C16orf74: variants seen among roughly 807,000 people sequenced by gnomAD.
C16orf74 encodes calcimembrin, also known as uncharacterized protein C16orf74.
Under a neutral mutation model 6.5 loss-of-function variants are expected in C16orf74, and 10 were observed. The observed-to-expected ratio is 1.54, with a 90% CI of 0.95 to 2.61. The LOEUF is 2.61. Ranked by LOEUF, C16orf74 falls within the 30% of genes most tolerant of loss-of-function variation. The pLI is 0.00. For synonymous variants in C16orf74, 60 were observed against 42.5 expected (o/e 1.41, Z -1.60); for missense variants, 141 against 105.9 (o/e 1.33, Z -1.45).
At chr16:85,744,250 A>G (rs2054344980) in intron 1 of C16orf74, 4 of 148,954 alleles carry the variant, frequency 2.7e-5, no homozygotes, top group African/African-American at 9.8e-5. Context: ...AAAAAAAAGA[A>G]AAGAAAAGAA....
chr16:85,749,026 G>T (rs986163457), intron 1 of C16orf74, among the ~76,000 whole-genome samples: 1 of 149,384 alleles, frequency 6.7e-6, no homozygotes, highest in East Asian at 2.0e-4. Flanking sequence ...GGTGATGCTC[G>T]TGCCTCACCC....
chr16:85,738,441 C>G (rs887502618), intron 1 of C16orf74, among the ~76,000 whole-genome samples: 14 of 151,328 alleles, frequency 9.3e-5, no homozygotes, highest in Non-Finnish European at 1.9e-4. Context: ...TCTCCTGCCT[C>G]AGCCTCCCGA....
chr16:85,708,964 C>T (rs558598002), intron 3 of C16orf74, among the ~76,000 whole-genome samples: 5 of 152,248 alleles, frequency 3.3e-5, no homozygotes, highest in African/African-American at 9.6e-5. Context: ...CTGGGGGCCA[C>T]GGGGTGAAGT....
chr16:85,718,465 A>T (rs1200909868), intron 2 of C16orf74, among the ~76,000 whole-genome samples: 2 of 152,128 alleles, frequency 1.3e-5, no homozygotes, highest in Non-Finnish European at 2.9e-5. Flanking sequence ...CATCACACAC[A>T]CACAGGGCTC....
chr16:85,731,644 T>C (rs896111060), intron 2 of C16orf74, among the ~76,000 whole-genome samples: 4 of 151,538 alleles, frequency 2.6e-5, no homozygotes, highest in Non-Finnish European at 5.9e-5. Flanking sequence ...AACCGGAGCC[T>C]GTGAGTGGGA....
At chr16:85,722,586 T>C (rs892361636) in intron 2 of C16orf74, among the ~76,000 whole-genome samples, 2 of 152,204 alleles carry the variant, frequency 1.3e-5, no homozygotes, top group African/African-American at 4.8e-5. Context: ...TCCCGCTGAG[T>C]GGGCCCAGGG....
chr16:85,713,888 C>G (rs929726993), intron 2 of C16orf74, among the ~76,000 whole-genome samples: 1 of 152,214 alleles, frequency 6.6e-6, no homozygotes, highest in Non-Finnish European at 1.5e-5. Flanking sequence ...CTGGGACCCT[C>G]GTGGGATCTG....
chr16:85,745,565 C>G (rs1399929042), intron 1 of C16orf74, among the ~76,000 whole-genome samples: 1 of 151,922 alleles, frequency 6.6e-6, no homozygotes, highest in African/African-American at 2.4e-5. Flanking sequence ...TGGAGGGACC[C>G]TGCTTTTCAA....
chr16:85,729,338 G>C (rs1330472601), intron 2 of C16orf74, among the ~76,000 whole-genome samples: 3 of 152,230 alleles, frequency 2.0e-5, no homozygotes. Flanking sequence ...CACTCCCGTG[G>C]GTCACAGTCA....
At chr16:85,738,720 G>A (rs1182854042) in intron 1 of C16orf74, among the ~76,000 whole-genome samples, 1 of 151,886 alleles carries the variant, frequency 6.6e-6, no homozygotes, top group Non-Finnish European at 1.5e-5. Context: ...GGTAGCGGAG[G>A]AGTGGGGCTG....
intron 1 of C16orf74, among the ~76,000 whole-genome samples, chr16:85,749,727 C>A (rs546941589): frequency 3.9e-5 from 6 of 152,216 alleles, no homozygotes; most frequent in African/African-American, 1.4e-4. Flanking sequence ...TGTCCACTGA[C>A]GGCACGCTCC....
intron 2 of C16orf74, among the ~76,000 whole-genome samples, chr16:85,724,837 G>C (rs1029744463): frequency 1.3e-5 from 2 of 152,172 alleles, no homozygotes; most frequent in African/African-American, 2.4e-5. Flanking sequence ...AGGGCTACAG[G>C]GATCAAAAAG....
intron 2 of C16orf74, among the ~76,000 whole-genome samples, chr16:85,715,079 C>A (rs928965758): frequency 6.6e-6 from 1 of 151,326 alleles, no homozygotes; most frequent in Non-Finnish European, 1.5e-5. Context: ...ATGGCGTGAA[C>A]CCGGGAGGCG....
At chr16:85,736,854 G>A (rs2054250426) in intron 1 of C16orf74, among the ~76,000 whole-genome samples, 1 of 152,136 alleles carries the variant, frequency 6.6e-6, no homozygotes. Context: ...GACCAGCCTG[G>A]CCAACATGGT....
Position 85,713,960 on chromosome 16 carries a change from G to T in C16orf74, c.29-3653C>A, listed in dbSNP as rs569848276. Among the ~76,000 whole-genome samples, 19 of 152,318 alleles carry T rather than the reference G, an allele frequency of 1.2e-4. No homozygotes were observed. In the South Asian group the frequency reaches 3.1e-3, roughly 25 times the overall value. ...CCCTTCCCTGGAATGAGCCATAACC[G>T]GGAATCAGAGCCTCCAGTGACTTCT... is the stretch of plus-strand genomic sequence containing the variant. On this transcript the variant is annotated intron_variant, in intron 2 of 3. Transcript: ENST00000284245.
Position 85,710,163 on chromosome 16 carries a change from C to T in C16orf74, c.172+1G>A, listed in dbSNP as rs571195534. 2.1e-6 allele frequency: 3 copies of T among 1,440,490 alleles called. No individual in the cohort carries two copies. The highest frequency in any genetic ancestry group is 5.8e-5 in the East Asian group (2 of 34,476). 89.2% of individuals were successfully genotyped at this position (1,440,490 alleles called of 1,614,324 possible). The stretch of plus-strand genomic sequence containing the variant: ...CTTGGCGGTGGAGGGGACGGCCTCA[C>T]CTGTGCTCCCCAAGTCCCTCGGCAG... On this transcript the variant is annotated splice_donor_variant, in intron 3 of 3. Transcript: ENST00000284245. LOFTEE classifies it high-confidence loss of function.
In C16orf74 at chr16:85,708,062, C is replaced by T; in HGVS notation, c.177G>A (p.Trp59Ter). ...MLPRDLGSTV[W>*]LDETGSCPDD... is the part of the protein sequence containing the mutation. ...CTGGGCACGACCCTGTCTCATCCAG[C>T]CAGACTAGGAGAAAGAGGGGATGGA... Residue 59 changes from tryptophan to a stop codon, truncating the protein, a stop_gained, in exon 4 of 4, where the codon TGG becomes TGA. Coordinates refer to ENST00000284245, the MANE Select transcript of C16orf74 (RefSeq NM_206967.3). LOFTEE classifies it high-confidence loss of function. 6.4e-7 allele frequency: 1 copy of T among 1,553,150 alleles called. No individual in the cohort carries two copies. Among genetic ancestry groups the T allele is most frequent in the Non-Finnish European group, 8.7e-7 (1 of 1,147,736 alleles).
chr16:85,736,681 G>C (rs2054248269), intron 1 of C16orf74, among the ~76,000 whole-genome samples: 2 of 152,176 alleles, frequency 1.3e-5, no homozygotes, highest in African/African-American at 4.8e-5. Flanking sequence ...CACTAGCTGG[G>C]CCAGGTCCCA....
At chr16:85,743,275 T>C (rs2054330352) in intron 1 of C16orf74, 1 of 152,234 alleles carries the variant, frequency 6.6e-6, no homozygotes, top group South Asian at 2.1e-4. Flanking sequence ...GAAGAGCCAC[T>C]GTTACCTTAA....
Sources: allele counts gnomAD v4.1 joint callset (sites outside exome capture counted in the v4.1 genomes callset), GRCh38; gene constraint gnomAD v4.1.1; transcripts MANE v1.5; gene names NCBI Gene and HGNC (gene_info 2026-07-23, HGNC 2026-07-21).